LAMA2: variants seen among roughly 807,000 people sequenced by gnomAD.
LAMA2 encodes the protein laminin subunit alpha-2.
A neutral mutation model predicts 364.8 loss-of-function variants in LAMA2; 269 were observed. The ratio of observed to expected loss-of-function variants is 0.74; its 90% CI spans 0.67 to 0.82. The LOEUF (loss-of-function observed/expected upper bound fraction) is 0.82. Ranked by LOEUF, LAMA2 falls within the 40% of genes least tolerant of loss-of-function variation. The pLI, the probability that LAMA2 is intolerant of heterozygous loss-of-function variation, is 0.00. For missense variants in LAMA2, 3,807 were observed against 3,873.2 expected, an observed-to-expected ratio of 0.98 and a Z score of 0.45; for synonymous variants, 1,379 against 1,370.6, an observed-to-expected ratio of 1.01 and a Z score of -0.14.
chr6:129,490,510 G>A (rs1477689843), intron 56 of LAMA2, among the ~76,000 whole-genome samples: 1 of 152,134 alleles, frequency 6.6e-6, no homozygotes, highest in Non-Finnish European at 1.5e-5. Flanking sequence ...TTCTAATCAA[G>A]AACAGAGATT....
chr6:129,396,685 A>G (rs1162940979), intron 37 of LAMA2, among the ~76,000 whole-genome samples: 1 of 152,216 alleles, frequency 6.6e-6, no homozygotes, highest in East Asian at 1.9e-4. Flanking sequence ...ATATGTATTG[A>G]GCAGTCTATC....
intron 12 of LAMA2, among the ~76,000 whole-genome samples, chr6:129,232,973 G>T (rs542996183): frequency 6.6e-6 from 1 of 152,100 alleles, no homozygotes; most frequent in African/African-American, 2.4e-5. Flanking sequence ...CTGGAAAAGA[G>T]CATTGGCTGA....
chr6:129,500,625 G>A (rs1453942098), intron 58 of LAMA2, among the ~76,000 whole-genome samples: 1 of 152,048 alleles, frequency 6.6e-6, no homozygotes, highest in African/African-American at 2.4e-5. Flanking sequence ...CTGGTCAAAG[G>A]TTTTTTTCTA....
chr6:129,158,280 A>G (rs1779245225), intron 8 of LAMA2: 1 of 1,613,956 alleles, frequency 6.2e-7, no homozygotes, highest in Non-Finnish European at 8.5e-7. Context: ...GCGCATTAGC[A>G]CAGTTTGGTA....
Position 129,280,086 on chromosome 6 carries a change from C to T in LAMA2, c.2476C>T (p.Arg826Trp), listed in dbSNP as rs118147866. The T allele has an allele frequency of 5.9e-3, 9,450 of 1,613,132 alleles. 49 individuals are homozygous for T. Among genetic ancestry groups the T allele is most frequent in the Non-Finnish European group, 6.2e-3 (7,310 of 1,179,280 alleles). Reference protein sequence around the residue: ...NNFSPTCHLDRSLGLICDGCP... With the variant: ...NNFSPTCHLDWSLGLICDGCP... ...CTTTAGCCCAACGTGCCATTTAGAC[C>T]GGAGTCTTGGATTGATCTGTGATGG... The change falls in exon 18 of 65, where the codon CGG (arginine) becomes TGG (tryptophan). Residue 826 changes from arginine (R) to tryptophan (W), a missense_variant. Arg to Trp is a moderately radical substitution (Grantham distance 101, BLOSUM62 -3). Coordinates refer to ENST00000421865, the MANE Select transcript of LAMA2 (RefSeq NM_000426.4).
In LAMA2 at chr6:129,516,455, C is replaced by T. The variant is rs1787090198; in HGVS notation, c.*108C>T. On this transcript the variant is annotated 3_prime_UTR_variant, in exon 65 of 65. Transcript: ENST00000421865. Reference sequence around the variant, plus strand: ...TTAATTAAACTAATTTGTGCATGTACATAGAATTCTTTCTGTATTCAGATG... The same window carrying T: ...TTAATTAAACTAATTTGTGCATGTATATAGAATTCTTTCTGTATTCAGATG... 1 of 1,134,930 alleles carries T rather than the reference C, an allele frequency of 8.8e-7. No individual in the cohort carries two copies. The highest frequency in any genetic ancestry group is 1.3e-6 in the Non-Finnish European group (1 of 770,576). 70.3% of individuals were successfully genotyped at this position (1,134,930 alleles called of 1,614,324 possible). A position where few individuals can be genotyped will look rare whatever the true frequency, so the allele number is the denominator to read the frequency against.
At chr6:129,125,092 T>C (rs1777033765) in intron 4 of LAMA2, among the ~76,000 whole-genome samples, 2 of 152,200 alleles carry the variant, frequency 1.3e-5, no homozygotes, top group Admixed American at 1.3e-4. Context: ...GCCAAGAGGA[T>C]GTGCTGATCA....
At chr6:129,154,848 G>A (rs539296362) in intron 8 of LAMA2, among the ~76,000 whole-genome samples, 165 bp downstream of exon 8, 3 of 152,286 alleles carry the variant, frequency 2.0e-5, no homozygotes, top group Non-Finnish European at 4.4e-5. Flanking sequence ...AAATCTTTGA[G>A]GATGTAAGAT....
intron 1 of LAMA2, among the ~76,000 whole-genome samples, chr6:128,901,961 T>G (rs967122957): frequency 6.6e-6 from 1 of 152,210 alleles, no homozygotes; most frequent in African/African-American, 2.4e-5. Context: ...CAAAGAGGTT[T>G]AATTGACTCA....
At chr6:129,195,549 G>A (rs928730215) in intron 12 of LAMA2, among the ~76,000 whole-genome samples, 2 of 152,162 alleles carry the variant, frequency 1.3e-5, no homozygotes, top group Admixed American at 6.5e-5. Flanking sequence ...CACAGTCTCA[G>A]CTAGGAGTTG....
intron 58 of LAMA2, among the ~76,000 whole-genome samples, 193 bp downstream of exon 58, chr6:129,492,676 A>G (rs1201700662): frequency 6.6e-6 from 1 of 152,248 alleles, no homozygotes; most frequent in African/African-American, 2.4e-5. Context: ...TGTTTACAAA[A>G]CAGTACATTT....
intron 30 of LAMA2, among the ~76,000 whole-genome samples, chr6:129,346,508 A>C (rs941070587): frequency 6.6e-6 from 1 of 152,042 alleles, no homozygotes; most frequent in African/African-American, 2.4e-5. Flanking sequence ...CATATACTTC[A>C]TCCCAACACT....
chr6:129,291,430 C>T (rs1275133894), intron 19 of LAMA2, among the ~76,000 whole-genome samples, 184 bp from the exon 20 acceptor site: 2 of 152,166 alleles, frequency 1.3e-5, no homozygotes, highest in African/African-American at 2.4e-5. Context: ...ATTATCCCTA[C>T]AGCTTGTAGA....
chr6:129,211,258 C>T (rs532677542), intron 12 of LAMA2, among the ~76,000 whole-genome samples: 33 of 152,214 alleles, frequency 2.2e-4, no homozygotes, highest in African/African-American at 6.0e-4. Flanking sequence ...GATACACAAA[C>T]CCAGCCACAG....
At chr6:129,336,987 G>T (rs1775994279) in intron 29 of LAMA2, among the ~76,000 whole-genome samples, 2 of 152,184 alleles carry the variant, frequency 1.3e-5, no homozygotes, top group South Asian at 4.1e-4. Flanking sequence ...AACAAGATGA[G>T]ATTAATAGAA....
chr6:129,272,507 T>C (rs1788008177), intron 17 of LAMA2, among the ~76,000 whole-genome samples: 1 of 152,140 alleles, frequency 6.6e-6, no homozygotes, highest in Non-Finnish European at 1.5e-5. Context: ...GGAATTTTAG[T>C]TTTAAAATCC....
At chr6:129,071,171 A>T (rs996165288) in intron 3 of LAMA2, among the ~76,000 whole-genome samples, 1 of 152,218 alleles carries the variant, frequency 6.6e-6, no homozygotes, top group African/African-American at 2.4e-5. Context: ...TTTTCAAGAA[A>T]TTGATCCACT....
At chr6:129,274,364 AAT>A (rs1246853574) in intron 17 of LAMA2, among the ~76,000 whole-genome samples, 2 of 151,922 alleles carry the variant, frequency 1.3e-5, no homozygotes, top group Non-Finnish European at 2.9e-5. Flanking sequence ...ATATGAATTG[AAT>A]ATTTGCATAC....
At chr6:129,070,643 G>C (rs1377404837) in intron 3 of LAMA2, among the ~76,000 whole-genome samples, 1 of 151,866 alleles carries the variant, frequency 6.6e-6, no homozygotes, top group African/African-American at 2.4e-5. Context: ...TTCCTTAAAA[G>C]CTTTTCTGAT....
Sources: allele counts gnomAD v4.1 joint callset (sites outside exome capture counted in the v4.1 genomes callset), GRCh38; gene constraint gnomAD v4.1.1; transcripts MANE v1.5; gene names NCBI Gene and HGNC (gene_info 2026-07-23, HGNC 2026-07-21).